The following WWOX variants were observed in gnomAD, a reference collection of about 807,000 sequenced individuals.
WWOX encodes WW domain containing oxidoreductase.
Under a neutral mutation model 46.2 loss-of-function variants are expected in WWOX, and 69 were observed. The observed-to-expected ratio is 1.49, with a 90% CI of 1.23 to 1.82. The LOEUF (loss-of-function observed/expected upper bound fraction) is 1.82, where lower values mean the gene tolerates loss of function less well. Among genes scored for constraint, WWOX ranks in the 40% most tolerant of loss-of-function variants. WWOX has a pLI of 0.00. For synonymous variants in WWOX, 359 were observed against 202.6 expected (o/e 1.77, Z -6.56); for missense variants, 919 against 542.6 (o/e 1.69, Z -6.89).
chr16:78,426,219 A>G (rs563486214), intron 7 of WWOX, among the ~76,000 whole-genome samples: 1 of 152,222 alleles, frequency 6.6e-6, no homozygotes, highest in Admixed American at 6.5e-5. Context: ...TTTGTGAAGG[A>G]AAGTGGAGTG....
intron 8 of WWOX, among the ~76,000 whole-genome samples, chr16:79,099,019 T>A (rs1434141202): frequency 1.3e-5 from 2 of 152,108 alleles, no homozygotes; most frequent in Non-Finnish European, 2.9e-5. Flanking sequence ...GGCCTCAGGC[T>A]GCTTTCACTC....
chr16:78,870,354 A>G (rs1205090605), intron 8 of WWOX, among the ~76,000 whole-genome samples: 1 of 152,182 alleles, frequency 6.6e-6, no homozygotes, highest in African/African-American at 2.4e-5. Flanking sequence ...TAGAATCACA[A>G]GGTCCATTAA....
At chr16:78,497,385 A>G (rs1402015726) in intron 8 of WWOX, among the ~76,000 whole-genome samples, 1 of 152,348 alleles carries the variant, frequency 6.6e-6, no homozygotes, top group East Asian at 1.9e-4. Flanking sequence ...ACAAGGAGGA[A>G]AGCTCCATGA....
At chr16:78,154,898 T>A (rs948943617) in intron 4 of WWOX, among the ~76,000 whole-genome samples, 9 of 152,280 alleles carry the variant, frequency 5.9e-5, no homozygotes, top group South Asian at 2.1e-4. Flanking sequence ...CAAGGATGTT[T>A]CCTGAATAAT....
chr16:78,599,900 T>G (rs2045580528), intron 8 of WWOX, among the ~76,000 whole-genome samples: 1 of 152,068 alleles, frequency 6.6e-6, no homozygotes, highest in Non-Finnish European at 1.5e-5. Context: ...TTTCTAGGAC[T>G]CAAAGATGCC....
At chr16:78,390,290 C>G (rs984351476) in intron 6 of WWOX, among the ~76,000 whole-genome samples, 1 of 152,208 alleles carries the variant, frequency 6.6e-6, no homozygotes, top group Non-Finnish European at 1.5e-5. Context: ...GGATCATCTT[C>G]CACGTCTTAA....
chr16:78,988,353 TAA>T (rs35634625), intron 8 of WWOX, among the ~76,000 whole-genome samples: 20,410 of 132,374 alleles, frequency 0.15, 1,615 homozygotes, highest in East Asian at 0.44. Context: ...TCAAAAAAAA[TAA>T]AAAAAAAAAA....
At chr16:78,929,317 A>G (rs2045568904) in intron 8 of WWOX, among the ~76,000 whole-genome samples, 2 of 152,058 alleles carry the variant, frequency 1.3e-5, no homozygotes, top group South Asian at 2.1e-4. Context: ...AGTGTCCAAT[A>G]AAAAGCAAAT....
At position 78,943,632 on chromosome 16, in the gene WWOX, A is replaced by G. The variant is rs184913996; in HGVS notation, c.1057-267976A>G. ...GGCTCCACTCTGTGTGGCCCCGTCAATGGCCTGGACGCAGCTGAAAAAATC... is the reference window on the plus strand; with the variant it reads ...GGCTCCACTCTGTGTGGCCCCGTCAGTGGCCTGGACGCAGCTGAAAAAATC... On this transcript the variant is annotated intron_variant, in intron 8 of 8. Coordinates refer to ENST00000566780, the MANE Select transcript of WWOX (RefSeq NM_016373.4). Among the ~76,000 whole-genome samples the G allele has an allele frequency of 6.2e-3, 945 of 152,318 alleles. 7 individuals carry two copies. The highest frequency in any genetic ancestry group is 0.022 in the African/African-American group (896 of 41,574).
chr16:78,872,281 C>G (rs2044145253), intron 8 of WWOX, among the ~76,000 whole-genome samples: 1 of 152,184 alleles, frequency 6.6e-6, no homozygotes, highest in African/African-American at 2.4e-5. Context: ...CTCCAAGTCT[C>G]AGTTTTCTCA....
intron 8 of WWOX, among the ~76,000 whole-genome samples, chr16:78,732,548 T>C (rs866631122): frequency 6.6e-6 from 1 of 152,142 alleles, no homozygotes; most frequent in African/African-American, 2.4e-5. Context: ...GCGCATGTGG[T>C]AGATTTACAC....
At chr16:78,709,096 C>A (rs770747748) in intron 8 of WWOX, among the ~76,000 whole-genome samples, 3 of 152,058 alleles carry the variant, frequency 2.0e-5, no homozygotes, top group Non-Finnish European at 2.9e-5. Context: ...TATCGCCCTG[C>A]GTGTCATTTT....
intron 8 of WWOX, among the ~76,000 whole-genome samples, chr16:78,772,984 C>T (rs374076467): frequency 6.4e-4 from 98 of 152,246 alleles, no homozygotes; most frequent in South Asian, 5.8e-3. Flanking sequence ...GTCATCATGC[C>T]GCTGTGCTCC....
intron 8 of WWOX, among the ~76,000 whole-genome samples, chr16:79,012,500 A>G (rs1358657930): frequency 6.6e-6 from 1 of 152,122 alleles, no homozygotes; most frequent in Non-Finnish European, 1.5e-5. Context: ...CTCCTAAAGT[A>G]CTGGGATTAC....
At chr16:79,086,914 C>T (rs1362371048) in intron 8 of WWOX, among the ~76,000 whole-genome samples, 1 of 152,094 alleles carries the variant, frequency 6.6e-6, no homozygotes, top group Non-Finnish European at 1.5e-5. Context: ...TTTATGTGTT[C>T]AGTAAGAGCT....
chr16:78,472,588 C>T (rs1226005781), intron 8 of WWOX, among the ~76,000 whole-genome samples: 2 of 151,984 alleles, frequency 1.3e-5, no homozygotes, highest in African/African-American at 4.8e-5. Context: ...GCGGGTGGAT[C>T]ACCTGAGGTC....
At chr16:78,397,579 G>A (rs973600753) in intron 6 of WWOX, among the ~76,000 whole-genome samples, 2 of 152,182 alleles carry the variant, frequency 1.3e-5, no homozygotes, top group African/African-American at 4.8e-5. Context: ...TGGAGAATCA[G>A]AAAGATCTGT....
chr16:78,724,511 T>C (rs1278289525), intron 8 of WWOX, among the ~76,000 whole-genome samples: 1 of 152,206 alleles, frequency 6.6e-6, no homozygotes, highest in African/African-American at 2.4e-5. Flanking sequence ...GATATTATTA[T>C]AGTTCTTTAT....
intron 8 of WWOX, among the ~76,000 whole-genome samples, chr16:78,472,772 G>A (rs1027246215): frequency 8.1e-6 from 1 of 123,112 alleles, no homozygotes; most frequent in African/African-American, 3.0e-5. Flanking sequence ...TCTTGCCATT[G>A]TTCTCCAGCC....
Sources: allele counts gnomAD v4.1 joint callset (sites outside exome capture counted in the v4.1 genomes callset), GRCh38; gene constraint gnomAD v4.1.1; transcripts MANE v1.5; gene names NCBI Gene and HGNC (gene_info 2026-07-23, HGNC 2026-07-21).